SMARCAL1: variants seen among roughly 807,000 people sequenced by gnomAD.
The protein encoded by SMARCAL1 is SNF2 related chromatin remodeling annealing helicase 1, also known as ATP-driven annealing helicase.
SMARCAL1 carries 58 observed loss-of-function variants against 94.5 expected under a neutral mutation model. The observed-to-expected ratio is 0.61, with a 90% CI of 0.50 to 0.76. The LOEUF is 0.76. Ranked by LOEUF, SMARCAL1 falls within the 30% of genes least tolerant of loss-of-function variation. SMARCAL1 has a pLI of 0.00. For synonymous variants in SMARCAL1, 422 were observed against 455.1 expected, an observed-to-expected ratio of 0.93 and a Z score of 0.93; for missense variants, 1,051 against 1,177.9, an observed-to-expected ratio of 0.89 and a Z score of 1.58.
At chr2:216,454,755 C>A (rs1694525054) in intron 12 of SMARCAL1, among the ~76,000 whole-genome samples, 1 of 152,212 alleles carries the variant, frequency 6.6e-6, no homozygotes. Flanking sequence ...CAGCTCCAGT[C>A]TACAGCTCCC....
chr2:216,435,321 C>T lies in SMARCAL1; in HGVS notation c.1486-17C>T, dbSNP rs563273567. The T allele has an allele frequency of 5.0e-6, 8 of 1,613,918 alleles. No individual in the cohort carries two copies. The East Asian group carries it at 1.6e-4, about 31-fold the overall frequency. On this transcript the variant is annotated splice_polypyrimidine_tract_variant and intron_variant, in intron 8 of 17. Coordinates refer to ENST00000357276, the MANE Select transcript of SMARCAL1 (RefSeq NM_014140.4). Reference sequence around the variant, plus strand: ...CTGGGTGGTCATTGTAGCTTTGTTCCCTCCTGTCATCCACAGGCCTTCCTT... The same window carrying T: ...CTGGGTGGTCATTGTAGCTTTGTTCTCTCCTGTCATCCACAGGCCTTCCTT...
chr2:216,478,204 C>G lies in SMARCAL1; in HGVS notation c.2530C>G (p.Pro844Ala). Reference protein sequence around the residue: ...AKGTADDYLWPLIQEKIKVLA... With the variant: ...AKGTADDYLWALIQEKIKVLA... ...CTGCAGCTCATTTCTCCCCAACAGG[C>G]CCCTGATTCAAGAGAAGATTAAAGT... The change falls in exon 17 of 18, where the codon CCC becomes GCC. Residue 844 changes from proline to alanine, a missense_variant and splice_region_variant. Around this residue, in one of 3 missense-constraint regions of SMARCAL1, gnomAD observed 642 missense variants for 754.7 expected, o/e 0.85. Coordinates refer to ENST00000357276, the MANE Select transcript of SMARCAL1 (RefSeq NM_014140.4). 6.2e-7 allele frequency: 1 copy of G among 1,613,788 alleles called. No homozygotes were observed. The highest frequency in any genetic ancestry group is 8.5e-7 in the Non-Finnish European group (1 of 1,179,654).
At position 216,432,848 on chromosome 2, in the gene SMARCAL1, G is replaced by T; in HGVS notation, c.1465G>T (p.Val489Leu). 2 of 1,614,222 alleles carry T rather than the reference G, an allele frequency of 1.2e-6. No homozygotes were observed. Among genetic ancestry groups the T allele is most frequent in the Non-Finnish European group, 8.5e-7 (1 of 1,180,044 alleles). The change falls in exon 8 of 18, where the codon GTG becomes TTG. Residue 489 changes from valine to leucine, a missense_variant. By Grantham distance (32) the Val-to-Leu change is conservative. Around this residue, in one of 3 missense-constraint regions of SMARCAL1, gnomAD observed 642 missense variants for 754.7 expected, o/e 0.85. Transcript: ENST00000357276. ...GCTCCTGGTGGTGGTGCCATCCTCC[G>T]TGCGCTTCACCTGGGAGCAGGTTAA... ...WPLLVVVPSS[V>L]RFTWEQAFLR...
At chr2:216,472,343 G>A (rs1404455001) in intron 14 of SMARCAL1, among the ~76,000 whole-genome samples, 4 of 152,020 alleles carry the variant, frequency 2.6e-5, no homozygotes, top group Admixed American at 6.6e-5. Context: ...TGAGAGACAA[G>A]ACTCTATCTC....
Position 216,475,328 on chromosome 2 carries a change from C to T in SMARCAL1, c.2304C>T (p.Cys768=), listed in dbSNP as rs1414910477. ...CATCAGCTGAGCGGGAGGACCTGTG[C>T]CAGCAGTTCCAACTGTCGGAGAGGC... ...STSSAEREDL[C]QQFQLSERHA... Residue 768 remains cysteine (C), a synonymous_variant, in exon 15 of 18, where the codon TGC becomes TGT. Transcript: ENST00000357276. This position sits in a 1 kb window ranked among gnomAD's most constrained non-coding sequence, Gnocchi z 4.4. 1 of 1,614,190 alleles carries T rather than the reference C, an allele frequency of 6.2e-7. No homozygotes were observed. The highest frequency in any genetic ancestry group is 1.6e-4 in the Middle Eastern group (1 of 6,062).
At chr2:216,458,467 C>G (rs947907852) in intron 12 of SMARCAL1, among the ~76,000 whole-genome samples, 5 of 152,144 alleles carry the variant, frequency 3.3e-5, no homozygotes, top group African/African-American at 1.2e-4. Context: ...AGCAACACAT[C>G]AAAAAGCTTA....
chr2:216,435,278 C>T lies in SMARCAL1; in HGVS notation c.1486-60C>T, dbSNP rs1694056766. 1.9e-6 allele frequency: 3 copies of T among 1,583,756 alleles called. No individual in the cohort carries two copies. In the Admixed American group the frequency reaches 5.0e-5, roughly 26 times the overall value. ...GATGGGCATGAGACTGCTGCTGTCA[C>T]AACCAACAGCTGCTGTGCTGGGTGG... is the stretch of plus-strand genomic sequence containing the variant. On this transcript the variant is annotated intron_variant, in intron 8 of 17. Transcript: ENST00000357276.
intron 14 of SMARCAL1, among the ~76,000 whole-genome samples, chr2:216,473,877 A>G (rs919577240): frequency 8.5e-5 from 13 of 152,198 alleles, no homozygotes; most frequent in Non-Finnish European, 1.9e-4. Flanking sequence ...GGTTAACAGA[A>G]AAACTTGTAC....
At chr2:216,427,096 G>A (rs966421033) in intron 6 of SMARCAL1, 1 of 152,176 alleles carries the variant, frequency 6.6e-6, no homozygotes, top group Non-Finnish European at 1.5e-5. Flanking sequence ...ATCTTGTCTT[G>A]TTAGCTGCTA....
intron 12 of SMARCAL1, among the ~76,000 whole-genome samples, chr2:216,455,510 A>G (rs543895692): frequency 2.6e-4 from 39 of 152,344 alleles, no homozygotes; most frequent in African/African-American, 7.9e-4. Context: ...AACTTCCAGA[A>G]GAACGATCAG....
rs1488918682 is a variant in SMARCAL1 at position 216,482,357 on chromosome 2, A to T, written c.2626-381A>T. On this transcript the variant is annotated intron_variant, in intron 17 of 17. Transcript: ENST00000357276. The surrounding 1 kb of genome is among the most constrained non-coding windows in gnomAD (Gnocchi z 4.3). Reference sequence around the variant, plus strand: ...TAGAAGTTGAATTATACCTTAACTGACCCTTAGTAGAGAAAGGCTTTGGAG... The same window carrying T: ...TAGAAGTTGAATTATACCTTAACTGTCCCTTAGTAGAGAAAGGCTTTGGAG... 6.6e-6 allele frequency among the ~76,000 whole-genome samples: 1 copy of T among 152,160 alleles called. No individual in the cohort carries two copies. The highest frequency in any genetic ancestry group is 1.5e-5 in the Non-Finnish European group (1 of 68,034).
intron 4 of SMARCAL1, among the ~76,000 whole-genome samples, chr2:216,419,694 C>T (rs10202472): frequency 5.9e-5 from 9 of 152,126 alleles, no homozygotes; most frequent in Non-Finnish European, 5.9e-5. Flanking sequence ...CGAGCTTCCT[C>T]TTCCCCTTGT....
chr2:216,445,905 A>G (rs1467520638), intron 10 of SMARCAL1, among the ~76,000 whole-genome samples: 1 of 152,180 alleles, frequency 6.6e-6, no homozygotes, highest in African/African-American at 2.4e-5. Context: ...TTTATGAGGC[A>G]GTGTATCCAT....
chr2:216,441,444 T>G (rs112547210), intron 10 of SMARCAL1, among the ~76,000 whole-genome samples: 1 of 152,200 alleles, frequency 6.6e-6, no homozygotes, highest in South Asian at 2.1e-4. Context: ...AAATTACCTT[T>G]AATCCCTCCA....
In SMARCAL1 at chr2:216,451,008, A is replaced by G. The variant is rs1694439518; in HGVS notation, c.2014A>G (p.Arg672Gly). ...GATTGCCCCAGGACGGATCAATGCC[A>G]GGACCAGAGCTGCCCTGGATGCTGC... Reference protein sequence around the residue: ...VVIAPGRINARTRAALDAAAK... With the variant: ...VVIAPGRINAGTRAALDAAAK... The change falls in exon 12 of 18, where the codon AGG becomes GGG. Residue 672 changes from arginine to glycine, a missense_variant. Around this residue, in one of 3 missense-constraint regions of SMARCAL1, gnomAD observed 642 missense variants for 754.7 expected, o/e 0.85. Transcript: ENST00000357276. 2 of 1,614,240 alleles carry G rather than the reference A, an allele frequency of 1.2e-6. No homozygotes were observed. Among genetic ancestry groups the G allele is most frequent in the Non-Finnish European group, 8.5e-7 (1 of 1,180,040 alleles).
At chr2:216,471,861 T>C (rs1983219) in intron 14 of SMARCAL1, among the ~76,000 whole-genome samples, 35,692 of 152,184 alleles carry the variant, frequency 0.23, 5,071 homozygotes, top group Non-Finnish European at 0.3. Context: ...TCAACAGATA[T>C]ACTATTAAAT....
At chr2:216,434,482 T>TA (rs2106035666) in intron 8 of SMARCAL1, among the ~76,000 whole-genome samples, 1 of 152,236 alleles carries the variant, frequency 6.6e-6, no homozygotes, top group East Asian at 1.9e-4. Context: ...TGCAGAAACT[T>TA]ACCATCTAGT....
intron 7 of SMARCAL1, among the ~76,000 whole-genome samples, chr2:216,429,078 T>C (rs1172433653): frequency 6.6e-6 from 1 of 152,248 alleles, no homozygotes; most frequent in Admixed American, 6.5e-5. Context: ...CCAGCATCTC[T>C]AAAGATCTCA....
chr2:216,423,848 G>T (rs1693776720), intron 6 of SMARCAL1, among the ~76,000 whole-genome samples, 165 bp downstream of exon 6: 1 of 152,218 alleles, frequency 6.6e-6, no homozygotes, highest in South Asian at 2.1e-4. Flanking sequence ...CACATCCACT[G>T]AGATGGTGGC....
Sources: allele counts gnomAD v4.1 joint callset (sites outside exome capture counted in the v4.1 genomes callset), GRCh38; gene constraint gnomAD v4.1.1; regional missense constraint gnomAD v4.1.1; non-coding constraint Gnocchi (gnomAD v3.1); transcripts MANE v1.5; gene names NCBI Gene and HGNC (gene_info 2026-07-23, HGNC 2026-07-21).